Variants in C15orf40 observed in about 807,000 individuals in gnomAD.
C15orf40 encodes the protein chromosome 15 open reading frame 40.
A neutral mutation model predicts 13.9 loss-of-function variants in C15orf40; 9 were observed. That is an observed-to-expected ratio of 0.65 (90% CI 0.39 to 1.13). C15orf40 has a LOEUF of 1.13. C15orf40 is among the 50% of genes most tolerant of loss of function. The probability of loss-of-function intolerance (pLI) is 0.01; values close to 1 mark genes in which losing one functional copy is unlikely to be tolerated. For missense variants in C15orf40, 225 were observed against 188.5 expected (o/e 1.19, Z -1.13); for synonymous variants, 95 against 69.2 (o/e 1.37, Z -1.85).
Position 83,003,119 on chromosome 15 carries a change from T to C in C15orf40, c.*2478A>G, listed in dbSNP as rs2031490126. The C allele has an allele frequency of 7.1e-6, 1 of 141,172 alleles. No homozygotes were observed. The highest frequency in any genetic ancestry group is 1.5e-5 in the Non-Finnish European group (1 of 66,372). The allele number at this position is 141,172 out of a possible 1,614,324, so 8.7% of individuals were successfully genotyped here. A position where few individuals can be genotyped will look rare whatever the true frequency, so the allele number is the denominator to read the frequency against. The stretch of plus-strand genomic sequence containing the variant: ...GCCAACACGCCTGACCAAAAGTTGA[T>C]CCTTTTTTTTTTTTTTTTTTTTTGA... On this transcript the variant is annotated 3_prime_UTR_variant, in exon 4 of 4. Transcript: ENST00000304177.
At chr15:82,992,420 T>C (rs1451185523), downstream of C15orf40, among the ~76,000 whole-genome samples, 1 of 151,770 alleles carries the variant, frequency 6.6e-6, no homozygotes, top group East Asian at 1.9e-4. Flanking sequence ...GGAGACTGAG[T>C]TAAGAGAATC....
chr15:82,993,209 C>T (rs142317248), downstream of C15orf40, among the ~76,000 whole-genome samples: 173 of 152,204 alleles, frequency 1.1e-3, 1 homozygote, highest in East Asian at 0.03. Flanking sequence ...AATAAATAAT[C>T]AAAGGAAGAA....
rs549839129 is a variant in C15orf40 at position 82,999,321 on chromosome 15, T to G, written c.*6276A>C. 13 of 152,232 alleles carry G rather than the reference T, an allele frequency of 8.5e-5. No individual in the cohort carries two copies. Among genetic ancestry groups the G allele is most frequent in the African/African-American group, 2.9e-4 (12 of 41,460 alleles). 9.4% of individuals were successfully genotyped at this position (152,232 alleles called of 1,614,324 possible). On this transcript the variant is annotated 3_prime_UTR_variant, in exon 4 of 4. Coordinates refer to ENST00000304177, the MANE Select transcript of C15orf40 (RefSeq NM_144597.3). ...GATCCTCCTGCCTCAGCCTCGCAAG[T>G]AGCTGAGACTACAGGCACACACCAC...
At chr15:83,007,891 CAAAAA>C (rs1025517101) in intron 3 of C15orf40, 1 of 149,866 alleles carries the variant, frequency 6.7e-6, no homozygotes, top group Admixed American at 6.7e-5. Flanking sequence ...GACTCCATCT[CAAAAA>C]AGAAATAAAA....
At chr15:82,992,083 G>T (rs760182005), downstream of C15orf40, 2 of 422,428 alleles carry the variant, frequency 4.7e-6, no homozygotes, top group Admixed American at 2.7e-5. Flanking sequence ...GGGTGTGGTG[G>T]TGCACGCCTG....
chr15:83,009,544 C>T (rs1164594697), intron 2 of C15orf40, among the ~76,000 whole-genome samples: 2 of 152,180 alleles, frequency 1.3e-5, no homozygotes, highest in Admixed American at 1.3e-4. Flanking sequence ...AAAAGACCTT[C>T]AAAAGAATTT....
At position 82,997,045 on chromosome 15, in the gene C15orf40, ATT is replaced by A. The variant is rs1567087835; in HGVS notation, c.*8550_*8551del. On this transcript the variant is annotated 3_prime_UTR_variant, in exon 4 of 4. Transcript: ENST00000304177. ...AATAATAATAATAATAATAATAATT[ATT>A]ATTATTATTTTTAACTGACTTCTAT... The A allele has an allele frequency of 1.4e-5, 2 of 144,784 alleles. No individual in the cohort carries two copies. Among genetic ancestry groups the A allele is most frequent in the Admixed American group, 1.6e-4 (2 of 12,350 alleles). The allele number at this position is 144,784 out of a possible 1,614,324, so 9.0% of individuals were successfully genotyped here.
chr15:82,993,113 G>A (rs1195043874), downstream of C15orf40, among the ~76,000 whole-genome samples: 1 of 152,174 alleles, frequency 6.6e-6, no homozygotes, highest in Non-Finnish European at 1.5e-5. Context: ...ATGTGACCGT[G>A]AGAAAATCAT....
chr15:82,999,724 C>T lies in C15orf40; in HGVS notation c.*5873G>A, dbSNP rs1267136003. ...CTTTGAAACAGTTTGAACGTCACTG[C>T]GATAGTAAAAACACATCACAGATTA... On this transcript the variant is annotated 3_prime_UTR_variant, in exon 4 of 4. Transcript: ENST00000304177. The T allele has an allele frequency of 2.0e-5, 3 of 152,144 alleles. No homozygotes were observed. Among genetic ancestry groups the T allele is most frequent in the African/African-American group, 2.4e-5 (1 of 41,508 alleles). The allele number at this position is 152,144 out of a possible 1,614,324, so 9.4% of individuals were successfully genotyped here.
In C15orf40 at chr15:83,005,834, T is replaced by G. The variant is rs913180112; in HGVS notation, c.367-142A>C. ...GTCTAACCAAAGACTATCTCTTAGA[T>G]TCTTCCTTACTACCATTTGTTACTA... is the stretch of plus-strand genomic sequence containing the variant. On this transcript the variant is annotated intron_variant, in intron 3 of 3. Transcript: ENST00000304177. 10 of 1,269,520 alleles carry G rather than the reference T, an allele frequency of 7.9e-6. No homozygotes were observed. The African/African-American group carries it at 1.4e-4, about 18-fold the overall frequency. 78.6% of individuals were successfully genotyped at this position (1,269,520 alleles called of 1,614,324 possible).
chr15:82,992,058 A>G (rs1348954165), downstream of C15orf40: 3 of 514,700 alleles, frequency 5.8e-6, no homozygotes, highest in Non-Finnish European at 1.0e-5. Flanking sequence ...TCTACAGAAA[A>G]TTTTAAAATT....
intron 3 of C15orf40, among the ~76,000 whole-genome samples, chr15:83,006,724 C>A (rs2031705214): frequency 6.6e-6 from 1 of 152,244 alleles, no homozygotes; most frequent in South Asian, 2.1e-4. Flanking sequence ...CGAGATTGCG[C>A]CATCGCACCC....
chr15:82,992,019 C>A, downstream of C15orf40: 1 of 774,968 alleles, frequency 1.3e-6, no homozygotes, highest in Non-Finnish European at 1.9e-6. Flanking sequence ...AGTTCGAGGC[C>A]AGCCTGGGCA....
In C15orf40 at chr15:83,004,910, T is replaced by C; in HGVS notation, c.*687A>G. 1.5e-6 allele frequency: 2 copies of C among 1,304,704 alleles called. No individual in the cohort carries two copies. The highest frequency in any genetic ancestry group is 2.0e-6 in the Non-Finnish European group (2 of 988,462). The allele number at this position is 1,304,704 out of a possible 1,614,324, so 80.8% of individuals were successfully genotyped here. A position where few individuals can be genotyped will look rare whatever the true frequency, so the allele number is the denominator to read the frequency against. On this transcript the variant is annotated 3_prime_UTR_variant, in exon 4 of 4. Coordinates refer to ENST00000304177, the MANE Select transcript of C15orf40 (RefSeq NM_144597.3). ...TAGAAAAACTGCATTCAACAAGTAG[T>C]CCAAGGATTTGGGTTCTAGTTGCCA...
downstream of C15orf40, among the ~76,000 whole-genome samples, chr15:82,993,234 G>A (rs955226541): frequency 1.3e-5 from 2 of 152,162 alleles, no homozygotes; most frequent in Non-Finnish European, 2.9e-5. Flanking sequence ...AGAATATAGA[G>A]TTGTGACCAT....
downstream of C15orf40, chr15:82,990,759 C>A: frequency 1.0e-6 from 1 of 954,980 alleles, no homozygotes; most frequent in Non-Finnish European, 1.6e-6. Flanking sequence ...TTTTTGCTAA[C>A]AACATAGCAG....
downstream of C15orf40, chr15:82,989,104 A>C (rs778479846): frequency 6.2e-7 from 1 of 1,613,830 alleles, no homozygotes; most frequent in East Asian, 2.2e-5. Flanking sequence ...TATCAGGAAT[A>C]CCTGAAACGC....
intron 2 of C15orf40, 43 bp downstream of exon 2, chr15:83,010,194 C>CA (rs770401805): frequency 1.7e-5 from 27 of 1,611,904 alleles, no homozygotes; most frequent in Non-Finnish European, 2.3e-5. Context: ...CTGTAGGAGA[C>CA]ACCTGATTCA....
Position 83,004,704 on chromosome 15 carries a change from G to T in C15orf40, c.*893C>A. The T allele has an allele frequency of 2.2e-6, 2 of 925,536 alleles. No homozygotes were observed. Among genetic ancestry groups the T allele is most frequent in the Non-Finnish European group, 2.6e-6 (2 of 774,030 alleles). The allele number at this position is 925,536 out of a possible 1,614,324, so 57.3% of individuals were successfully genotyped here. A position where few individuals can be genotyped will look rare whatever the true frequency, so the allele number is the denominator to read the frequency against. On this transcript the variant is annotated 3_prime_UTR_variant, in exon 4 of 4. Transcript: ENST00000304177. Reference sequence around the variant, plus strand: ...TTTTCTTTACTTTTTCAACAAAATGGTAAATATAGTCTTTAAAAGATGTAA... The same window carrying T: ...TTTTCTTTACTTTTTCAACAAAATGTTAAATATAGTCTTTAAAAGATGTAA...
Sources: gnomAD v4.1 joint callset for allele counts (sites outside exome capture counted in the v4.1 genomes callset) on GRCh38, gnomAD v4.1.1 for gene constraint, MANE v1.5 for transcripts, NCBI Gene and HGNC (gene_info 2026-07-23, HGNC 2026-07-21) for gene names.